Variants in TBC1D13 observed in about 807,000 individuals in gnomAD.
TBC1D13 encodes the protein TBC1 domain family member 13, also known as epididymis secretory sperm binding protein.
TBC1D13 carries 40 observed loss-of-function variants against 53.6 expected under a neutral mutation model. The ratio of observed to expected loss-of-function variants is 0.75; its 90% CI spans 0.58 to 0.97. The LOEUF is 0.97. TBC1D13 is among the 50% of genes least tolerant of loss of function. The pLI, the probability that TBC1D13 is intolerant of heterozygous loss-of-function variation, is 0.00. For synonymous variants in TBC1D13, 182 were observed against 197.7 expected, an observed-to-expected ratio of 0.92 and a Z score of 0.67; for missense variants, 377 against 499.4, an observed-to-expected ratio of 0.75 and a Z score of 2.34.
At chr9:128,792,029 C>T (rs984806254) in intron 5 of TBC1D13, among the ~76,000 whole-genome samples, 10 of 152,186 alleles carry the variant, frequency 6.6e-5, no homozygotes, top group African/African-American at 2.4e-4. Flanking sequence ...TTGTTCTCCT[C>T]AAATGCTGAG....
intron 11 of TBC1D13, among the ~76,000 whole-genome samples, chr9:128,806,620 C>T (rs371194009): frequency 6.6e-6 from 1 of 152,150 alleles, no homozygotes; most frequent in Admixed American, 6.5e-5. Flanking sequence ...TGCTCAGGCC[C>T]GGGGAAGGAG....
intron 8 of TBC1D13, 25 bp from the exon 9 acceptor site, chr9:128,803,931 C>A (rs1252470953): frequency 6.2e-7 from 1 of 1,611,204 alleles, no homozygotes; most frequent in East Asian, 2.2e-5. Context: ...TGCGCCACTT[C>A]TGCCCCCATC....
Position 128,807,893 on chromosome 9 carries a change from G to T in TBC1D13, c.*14G>T. 1 of 1,613,840 alleles carries T rather than the reference G, an allele frequency of 6.2e-7. No individual in the cohort carries two copies. The highest frequency in any genetic ancestry group is 8.5e-7 in the Non-Finnish European group (1 of 1,179,732). ...GACTCAAAGTAGCCCGGCGGCAAGA[G>T]GCCCATGTTCCGGAGAGAAGCCTCC... On this transcript the variant is annotated 3_prime_UTR_variant, in exon 12 of 12. Transcript: ENST00000372648.
chr9:128,799,236 A>G (rs1350783309), intron 7 of TBC1D13, among the ~76,000 whole-genome samples: 1 of 152,206 alleles, frequency 6.6e-6, no homozygotes, highest in Admixed American at 6.5e-5. Context: ...CACTGTAGTA[A>G]CTAGGTGTAA....
rs1247578367 is a variant in TBC1D13, at chr9:128,803,367, C to T, written c.661C>T (p.Leu221Phe). The T allele has an allele frequency of 6.8e-6, 11 of 1,614,118 alleles. No individual in the cohort carries two copies. The highest frequency in any genetic ancestry group is 5.0e-5 in the Admixed American group (3 of 60,014). ...GCGGATCCTGTTCATCTACGCCAAG[C>T]TCAACCCTGGCATCGCTTATGTGCA... ...VERILFIYAK[L>F]NPGIAYVQGM... is the part of the protein sequence containing the mutation. Residue 221 changes from leucine (L) to phenylalanine (F), a missense_variant, in exon 8 of 12, where the codon CTC becomes TTC. Coordinates refer to ENST00000372648, the MANE Select transcript of TBC1D13 (RefSeq NM_018201.5).
chr9:128,790,530 C>T lies in TBC1D13; in HGVS notation c.98-205C>T, dbSNP rs555180599. ...CGGAGGCTGCAGTGAGCCGAGATTG[C>T]GCCACTTCACTCCAGCCTAGGTGTT... On this transcript the variant is annotated intron_variant, in intron 2 of 11. Coordinates refer to ENST00000372648, the MANE Select transcript of TBC1D13 (RefSeq NM_018201.5). 3.9e-5 allele frequency among the ~76,000 whole-genome samples: 6 copies of T among 152,312 alleles called. No individual in the cohort carries two copies. In the East Asian group the frequency reaches 7.7e-4, roughly 20 times the overall value.
At chr9:128,794,335 G>T (rs1285606822) in intron 6 of TBC1D13, among the ~76,000 whole-genome samples, 1 of 152,248 alleles carries the variant, frequency 6.6e-6, no homozygotes, top group Admixed American at 6.5e-5. Flanking sequence ...GAAAAAGGAG[G>T]CACTGCCTCT....
Position 128,797,218 on chromosome 9 carries a change from A to T in TBC1D13, c.543+4A>T. 6.2e-7 allele frequency: 1 copy of T among 1,613,816 alleles called. No homozygotes were observed. Among genetic ancestry groups the T allele is most frequent in the Non-Finnish European group, 8.5e-7 (1 of 1,179,836 alleles). ...GAACCGGAGTGGGGTCACAAATGTG[A>T]GTGCCAACCTGGGGTCCCCAGGGAC... On this transcript the variant is annotated splice_donor_region_variant and intron_variant, in intron 7 of 11. Coordinates refer to ENST00000372648, the MANE Select transcript of TBC1D13 (RefSeq NM_018201.5).
rs1286076469 is a variant in TBC1D13, at chr9:128,797,038, C to T, written c.384-17C>T. ...CCACCTTGAGTAACAAGATTATTTCCTGTTCCCTCTTGACAGGAGGTTGTG... is the reference window on the plus strand; with the variant it reads ...CCACCTTGAGTAACAAGATTATTTCTTGTTCCCTCTTGACAGGAGGTTGTG... On this transcript the variant is annotated splice_polypyrimidine_tract_variant and intron_variant, in intron 6 of 11. Transcript: ENST00000372648. 2 of 1,613,530 alleles carry T rather than the reference C, an allele frequency of 1.2e-6. No individual in the cohort carries two copies. Among genetic ancestry groups the T allele is most frequent in the Non-Finnish European group, 1.7e-6 (2 of 1,179,628 alleles).
chr9:128,806,351 G>A, intron 11 of TBC1D13, 40 bp downstream of exon 11: 2 of 1,612,124 alleles, frequency 1.2e-6, no homozygotes, highest in South Asian at 2.2e-5. Context: ...CTGCCATGAG[G>A]CTGGCACTCG....
At chr9:128,807,720 A>T (rs1297342506) in intron 11 of TBC1D13, 94 bp from the exon 12 acceptor site, 2 of 1,345,040 alleles carry the variant, frequency 1.5e-6, no homozygotes, top group East Asian at 2.3e-5. Flanking sequence ...GAGGCCCAGG[A>T]TCCAGCATGG....
In TBC1D13 at chr9:128,809,700, T is replaced by C. The variant is rs905345772; in HGVS notation, c.*1821T>C. 2.0e-5 allele frequency: 3 copies of C among 152,200 alleles called. No homozygotes were observed. Among genetic ancestry groups the C allele is most frequent in the African/African-American group, 7.2e-5 (3 of 41,438 alleles). The allele number at this position is 152,200 out of a possible 1,614,324, so 9.4% of individuals were successfully genotyped here. On this transcript the variant is annotated 3_prime_UTR_variant, in exon 12 of 12. Transcript: ENST00000372648. ...ACAAGATCCTCTTCATTTTCCAAGA[T>C]CAAAGTCAGCCTCTTCTCCCCATGC...
intron 6 of TBC1D13, among the ~76,000 whole-genome samples, chr9:128,795,823 G>A (rs1043245598): frequency 1.3e-5 from 2 of 151,942 alleles, no homozygotes; most frequent in Admixed American, 6.6e-5. Flanking sequence ...GAACTCCTGG[G>A]CTCAAGTGAT....
chr9:128,787,415 T>C, intron 1 of TBC1D13, 39 bp downstream of exon 1: 1 of 1,251,116 alleles, frequency 8.0e-7, no homozygotes, highest in East Asian at 3.1e-5. Flanking sequence ...GGGCCACTCC[T>C]GGCCAGGCTG....
intron 6 of TBC1D13, among the ~76,000 whole-genome samples, chr9:128,796,779 A>G (rs1481459375): frequency 6.6e-6 from 1 of 151,980 alleles, no homozygotes; most frequent in Non-Finnish European, 1.5e-5. Context: ...CTCTAAAAAA[A>G]TAAAAAATTA....
rs780656078 is a variant in TBC1D13 at position 128,800,367 on chromosome 9, CTT to C, written c.544-2861_544-2860del. On this transcript the variant is annotated intron_variant, in intron 7 of 11. Coordinates refer to ENST00000372648, the MANE Select transcript of TBC1D13 (RefSeq NM_018201.5). Reference sequence around the variant, plus strand: ...CATCATCTCTTTATTTATCTTCCAACTTTTTTTTTTTTTTTTTTTTTTTGAGA... The same window carrying C: ...CATCATCTCTTTATTTATCTTCCAACTTTTTTTTTTTTTTTTTTTTTGAGA... Among the ~76,000 whole-genome samples the C allele has an allele frequency of 4.8e-4, 51 of 106,716 alleles. No homozygotes were observed. The East Asian group carries it at 0.011, about 22-fold the overall frequency. The allele number at this position is 106,716 out of a possible 152,430, so 70.0% of individuals were successfully genotyped here.
In TBC1D13 at chr9:128,808,456, T is replaced by TG. The variant is rs66465933; in HGVS notation, c.*577_*578insG. 1.4e-3 allele frequency: 233 copies of TG among 164,014 alleles called. No individual in the cohort carries two copies. Among genetic ancestry groups the TG allele is most frequent in the Middle Eastern group, 3.0e-3 (1 of 334 alleles). The allele number at this position is 164,014 out of a possible 1,614,324, so 10.2% of individuals were successfully genotyped here. ...GTGTGTGTGTGTGTGTGTGTGTGTG[T>TG]TAGGGAGTGAGGGTCTCTCAGGCCT... On this transcript the variant is annotated 3_prime_UTR_variant, in exon 12 of 12. Coordinates refer to ENST00000372648, the MANE Select transcript of TBC1D13 (RefSeq NM_018201.5).
intron 2 of TBC1D13, among the ~76,000 whole-genome samples, chr9:128,790,295 T>TGGGTATG: frequency 7.2e-6 from 1 of 138,720 alleles, no homozygotes; most frequent in East Asian, 2.2e-4. Flanking sequence ...CAGTCTAGGC[T>TGGGTATG]GGGTATGGTG....
intron 9 of TBC1D13, among the ~76,000 whole-genome samples, chr9:128,804,695 CA>C (rs1829795725): frequency 6.6e-6 from 1 of 150,856 alleles, no homozygotes; most frequent in Non-Finnish European, 1.5e-5. Flanking sequence ...AGGCATGAGC[CA>C]CCGTGCCCAG....
Sources: allele counts gnomAD v4.1 joint callset (sites outside exome capture counted in the v4.1 genomes callset), GRCh38; gene constraint gnomAD v4.1.1; transcripts MANE v1.5; gene names NCBI Gene and HGNC (gene_info 2026-07-23, HGNC 2026-07-21).